Variants in NBEA observed in about 807,000 individuals in gnomAD.
The protein encoded by NBEA is lysosomal-trafficking regulator 2.
A neutral mutation model predicts 343.4 loss-of-function variants in NBEA; 44 were observed. The observed-to-expected ratio is 0.13, with a 90% CI of 0.10 to 0.16. NBEA has a LOEUF of 0.16. Among genes scored for constraint, NBEA ranks in the 10% least tolerant of loss-of-function variants. The pLI, the probability that NBEA is intolerant of heterozygous loss-of-function variation, is 1.00. For synonymous variants in NBEA, 1,175 were observed against 1,238.7 expected, an observed-to-expected ratio of 0.95 and a Z score of 1.08; for missense variants, 2,555 against 3,631.3, an observed-to-expected ratio of 0.70 and a Z score of 7.62.
chr13:35,537,965 T>C (rs2078638831), intron 41 of NBEA, among the ~76,000 whole-genome samples: 1 of 152,198 alleles, frequency 6.6e-6, no homozygotes, highest in Non-Finnish European at 1.5e-5. Flanking sequence ...TTCTTCCCAC[T>C]GTCCTCTTCA....
intron 23 of NBEA, among the ~76,000 whole-genome samples, chr13:35,162,604 T>G (rs939571169): frequency 2.6e-5 from 4 of 152,162 alleles, no homozygotes; most frequent in African/African-American, 9.6e-5. Context: ...TCTCTTTTTC[T>G]TCTCCTCTTT....
At chr13:35,590,633 G>C (rs2081491400) in intron 46 of NBEA, among the ~76,000 whole-genome samples, 1 of 152,074 alleles carries the variant, frequency 6.6e-6, no homozygotes, top group Non-Finnish European at 1.5e-5. Flanking sequence ...ATGATAAGAA[G>C]TACGGCTTTG....
In NBEA at chr13:35,118,236, G is replaced by T. The variant is rs1431649166; in HGVS notation, c.2091G>T (p.Gly697=). 2 of 1,525,442 alleles carry T rather than the reference G, an allele frequency of 1.3e-6. No individual in the cohort carries two copies. The highest frequency in any genetic ancestry group is 2.4e-5 in the East Asian group (1 of 40,962). 94.5% of individuals were successfully genotyped at this position (1,525,442 alleles called of 1,614,324 possible). ...FLKQLILKDR[G]VKEDELQSIL... ...TATTTTTTAAAAATTAGGATCGAGG[G>T]GTCAAGGAAGATGAACTTCAGAGTA... The change falls in exon 15 of 59, where the codon GGG becomes GGT. Residue 697 remains glycine (G), a synonymous_variant. Transcript: ENST00000379939.
intron 41 of NBEA, among the ~76,000 whole-genome samples, chr13:35,480,392 A>T (rs546207833): frequency 1.3e-5 from 2 of 152,138 alleles, no homozygotes; most frequent in Admixed American, 6.5e-5. Flanking sequence ...CATGTTCACA[A>T]ATCTCAGTAA....
At chr13:35,349,292 G>A (rs1298932481) in intron 37 of NBEA, 76 bp downstream of exon 37, 15 of 731,320 alleles carry the variant, frequency 2.1e-5, no homozygotes, top group Non-Finnish European at 2.5e-5. Flanking sequence ...CCTTACATAA[G>A]AAGGTTTTTT....
intron 38 of NBEA, among the ~76,000 whole-genome samples, chr13:35,385,307 T>C (rs1414656720): frequency 6.6e-6 from 1 of 152,208 alleles, no homozygotes; most frequent in Non-Finnish European, 1.5e-5. Context: ...TTTGCCTTGC[T>C]TTTTTCTTTT....
chr13:35,211,429 T>A (rs567902323), intron 33 of NBEA, among the ~76,000 whole-genome samples: 1 of 152,208 alleles, frequency 6.6e-6, no homozygotes. Context: ...TGTCATTTAG[T>A]GCATGTTACT....
chr13:35,157,576 A>G (rs2069257144), intron 21 of NBEA, among the ~76,000 whole-genome samples: 1 of 152,136 alleles, frequency 6.6e-6, no homozygotes. Flanking sequence ...TCTTGGAAGA[A>G]TATTTTATGA....
intron 44 of NBEA, among the ~76,000 whole-genome samples, chr13:35,559,930 CAAA>C (rs34700584): frequency 5.3e-4 from 58 of 108,938 alleles, no homozygotes; most frequent in South Asian, 1.8e-3. Context: ...GACTCCGTCT[CAAA>C]AAAAAAAAAA....
At chr13:35,224,826 C>T (rs1051180897) in intron 33 of NBEA, among the ~76,000 whole-genome samples, 9 of 152,074 alleles carry the variant, frequency 5.9e-5, no homozygotes. Flanking sequence ...GAAAACTGGA[C>T]ATCATGTATA....
At chr13:34,957,026 C>CACACACACACATATATAT (rs2059517317) in intron 1 of NBEA, among the ~76,000 whole-genome samples, 1 of 151,366 alleles carries the variant, frequency 6.6e-6, no homozygotes, top group Admixed American at 6.6e-5. Context: ...TATATATACA[C>CACACACACACATATATAT]ACACACACAC....
intron 36 of NBEA, among the ~76,000 whole-genome samples, chr13:35,324,936 A>G (rs893055290): frequency 6.6e-6 from 1 of 152,102 alleles, no homozygotes; most frequent in Non-Finnish European, 1.5e-5. Context: ...AACAACAGAA[A>G]ATACCTTTTG....
At position 35,668,332 on chromosome 13, in the gene NBEA, G is replaced by GT. The variant is rs369016088; in HGVS notation, c.8662-27dup. On this transcript the variant is annotated intron_variant, in intron 57 of 58. Coordinates refer to ENST00000379939, the MANE Select transcript of NBEA (RefSeq NM_001385012.1). ...GTTGTTGTGTATTTTATTTTATTTT[G>GT]TTTTTTTTTGTTTGTTTGTTTTACC... is the stretch of plus-strand genomic sequence containing the variant. 1.7e-3 allele frequency: 2,508 copies of GT among 1,485,974 alleles called. 5 individuals are homozygous for GT. Among genetic ancestry groups the GT allele is most frequent in the South Asian group, 5.4e-3 (426 of 78,244 alleles). 92.0% of individuals were successfully genotyped at this position (1,485,974 alleles called of 1,614,324 possible).
At chr13:35,511,573 G>C (rs1271108777) in intron 41 of NBEA, among the ~76,000 whole-genome samples, 1 of 152,020 alleles carries the variant, frequency 6.6e-6, no homozygotes, top group Non-Finnish European at 1.5e-5. Flanking sequence ...ACCCTCATCA[G>C]GTGTTGATTG....
chr13:35,206,221 A>T (rs920575140), intron 31 of NBEA, among the ~76,000 whole-genome samples: 3 of 152,100 alleles, frequency 2.0e-5, no homozygotes, highest in Admixed American at 2.0e-4. Flanking sequence ...CATAGCTTCC[A>T]CATTAGACAA....
intron 34 of NBEA, among the ~76,000 whole-genome samples, chr13:35,287,921 A>C (rs1398798440): frequency 2.0e-5 from 3 of 152,040 alleles, no homozygotes; most frequent in Non-Finnish European, 4.4e-5. Context: ...ATGAGTCAGC[A>C]TATATGTAAG....
chr13:35,170,098 T>C (rs1356190329), intron 25 of NBEA, among the ~76,000 whole-genome samples: 1 of 151,788 alleles, frequency 6.6e-6, no homozygotes, highest in Non-Finnish European at 1.5e-5. Flanking sequence ...TAGCCACCTA[T>C]CCTTTTTATT....
At chr13:35,232,826 G>C (rs1465407087) in intron 34 of NBEA, among the ~76,000 whole-genome samples, 1 of 151,962 alleles carries the variant, frequency 6.6e-6, no homozygotes, top group Non-Finnish European at 1.5e-5. Context: ...AGAAAACTTT[G>C]AAGATGAAGA....
At chr13:34,994,217 A>G (rs910500120) in intron 1 of NBEA, among the ~76,000 whole-genome samples, 9 of 150,838 alleles carry the variant, frequency 6.0e-5, no homozygotes, top group Non-Finnish European at 1.0e-4. Context: ...AAAAAAAAAA[A>G]AAAAAAAAAG....
Sources: allele counts gnomAD v4.1 joint callset (sites outside exome capture counted in the v4.1 genomes callset), GRCh38; gene constraint gnomAD v4.1.1; transcripts MANE v1.5; gene names NCBI Gene and HGNC (gene_info 2026-07-23, HGNC 2026-07-21).